The following TRMT9B variants were observed in gnomAD, a reference collection of about 807,000 sequenced individuals.
The protein encoded by TRMT9B is tRNA methyltransferase 9B (putative), also known as probable tRNA methyltransferase 9B.
Under a neutral mutation model 11.5 loss-of-function variants are expected in TRMT9B, and 16 were observed. The ratio of observed to expected loss-of-function variants is 1.39; its 90% CI spans 0.94 to 2.11. The LOEUF (loss-of-function observed/expected upper bound fraction) is 2.11, where lower values mean the gene tolerates loss of function less well. Among genes scored for constraint, TRMT9B ranks in the 30% most tolerant of loss-of-function variants. The pLI is 0.00. For missense variants in TRMT9B, 941 were observed against 553.8 expected, an observed-to-expected ratio of 1.70 and a Z score of -7.02; for synonymous variants, 274 against 192.4, an observed-to-expected ratio of 1.42 and a Z score of -3.51.
Position 13,029,069 on chromosome 8 carries a change from C to G in TRMT9B, c.*7025C>G, listed in dbSNP as rs1253494231. ...ATATAACACACATATATATATATTC[C>G]TAGACATCTAGTGTTTGCTGTCATT... On this transcript the variant is annotated 3_prime_UTR_variant, in exon 5 of 5. Coordinates refer to ENST00000524591, the MANE Select transcript of TRMT9B (RefSeq NM_020844.3). 1 of 166,432 alleles carries G rather than the reference C, an allele frequency of 6.0e-6. No homozygotes were observed. 10.3% of individuals were successfully genotyped at this position (166,432 alleles called of 1,614,324 possible).
In TRMT9B at chr8:12,967,623, C is replaced by CT. The variant is rs543483344; in HGVS notation, c.-200+21657_-200+21658insT. 3.8e-4 allele frequency among the ~76,000 whole-genome samples: 58 copies of CT among 152,286 alleles called. 2 individuals carry two copies. The East Asian group carries it at 9.3e-3, about 24-fold the overall frequency. ...TGCATCCTTTCTAATTAAAGCAGCT[C>CT]ATTAACAATGGCAAAGCCTCCTGAG... On this transcript the variant is annotated intron_variant, in intron 1 of 4. Coordinates refer to ENST00000524591, the MANE Select transcript of TRMT9B (RefSeq NM_020844.3).
At chr8:13,018,096 C>G (rs1225337220) in intron 4 of TRMT9B, among the ~76,000 whole-genome samples, 2 of 50,682 alleles carry the variant, frequency 3.9e-5, no homozygotes, top group Non-Finnish European at 7.3e-5. Context: ...TAAGGACTTT[C>G]TTAAAAAAAA....
intron 1 of TRMT9B, among the ~76,000 whole-genome samples, chr8:12,954,228 G>C (rs1369836774): frequency 2.0e-5 from 3 of 152,196 alleles, no homozygotes. Flanking sequence ...GATTGCAGGG[G>C]TTGTAAAGAA....
intron 2 of TRMT9B, among the ~76,000 whole-genome samples, chr8:13,003,802 A>C (rs1809906074): frequency 6.6e-6 from 1 of 150,782 alleles, no homozygotes; most frequent in Admixed American, 6.7e-5. Context: ...CAAGGACCAG[A>C]GTTAACACAC....
chr8:12,972,765 T>C (rs1803838615), intron 1 of TRMT9B, among the ~76,000 whole-genome samples: 1 of 152,238 alleles, frequency 6.6e-6, no homozygotes, highest in South Asian at 2.1e-4. Context: ...TGAAGCTAGT[T>C]GCTAGACTAC....
rs143206761 is a variant in TRMT9B at position 13,000,879 on chromosome 8, G to C, written c.-1-5323G>C. On this transcript the variant is annotated intron_variant, in intron 2 of 4. Transcript: ENST00000524591. ...TGAAGAATATTTCAGGGCTAGAACAGGGTATGGATTTGAGATTCAAGGTTA... is the reference window on the plus strand; with the variant it reads ...TGAAGAATATTTCAGGGCTAGAACACGGTATGGATTTGAGATTCAAGGTTA... Among the ~76,000 whole-genome samples, 4 of 152,312 alleles carry C rather than the reference G, an allele frequency of 2.6e-5. No homozygotes were observed. The East Asian group carries it at 7.7e-4, about 29-fold the overall frequency.
chr8:13,014,259 A>C (rs1360822057), intron 4 of TRMT9B, among the ~76,000 whole-genome samples: 2 of 152,194 alleles, frequency 1.3e-5, no homozygotes, highest in East Asian at 3.9e-4. Context: ...TGTAAGCATT[A>C]AGAGGATTGT....
At chr8:13,011,818 G>C in intron 3 of TRMT9B, 1 of 962,552 alleles carries the variant, frequency 1.0e-6, no homozygotes, top group Non-Finnish European at 1.2e-6. Flanking sequence ...ATGTAGCAAT[G>C]AATAGAGATT....
intron 3 of TRMT9B, chr8:13,012,443 C>T (rs1032472074): frequency 4.3e-5 from 20 of 463,970 alleles, no homozygotes; most frequent in Non-Finnish European, 6.0e-5. Flanking sequence ...GTCATGGTGG[C>T]ACGCGCCTAT....
intron 1 of TRMT9B, among the ~76,000 whole-genome samples, chr8:12,955,699 G>A (rs1801210490): frequency 6.6e-6 from 1 of 152,112 alleles, no homozygotes; most frequent in Non-Finnish European, 1.5e-5. Flanking sequence ...TCTCTGTTAG[G>A]TTGCAGATAA....
intron 1 of TRMT9B, among the ~76,000 whole-genome samples, chr8:12,965,727 G>A (rs540633022): frequency 2.6e-5 from 4 of 152,180 alleles, no homozygotes; most frequent in Middle Eastern, 3.4e-3. Context: ...GCAAGGTGGG[G>A]CAGGCTGGGG....
At chr8:12,962,234 A>T (rs898534199) in intron 1 of TRMT9B, 1 of 152,286 alleles carries the variant, frequency 6.6e-6, no homozygotes, top group South Asian at 2.1e-4. Context: ...AATGGGCTTC[A>T]TCATATGCCA....
At chr8:13,014,338 A>T (rs1265095765) in intron 4 of TRMT9B, among the ~76,000 whole-genome samples, 1 of 152,170 alleles carries the variant, frequency 6.6e-6, no homozygotes, top group Non-Finnish European at 1.5e-5. Context: ...TTTATTTCTC[A>T]CCGTTCTGGA....
intron 2 of TRMT9B, among the ~76,000 whole-genome samples, chr8:12,992,521 ACTTAGATGGTCATGAAG>A (rs1460265576): frequency 6.6e-6 from 1 of 151,656 alleles, no homozygotes; most frequent in Admixed American, 6.6e-5. Context: ...AGGACAACAA[ACTTAGATGGTCATGAAG>A]CTCAGGAGAA....
Position 13,023,844 on chromosome 8 carries a change from T to A in TRMT9B, c.*1800T>A, listed in dbSNP as rs1814320638. The stretch of plus-strand genomic sequence containing the variant: ...CTTAAAGAAATATTTTTAAAGCGTA[T>A]CTGAAAACGATTGATGTTTATAACT... On this transcript the variant is annotated 3_prime_UTR_variant, in exon 5 of 5. Transcript: ENST00000524591. The A allele has an allele frequency of 1.2e-5, 2 of 166,858 alleles. No individual in the cohort carries two copies. Among genetic ancestry groups the A allele is most frequent in the African/African-American group, 2.4e-5 (1 of 41,432 alleles). The allele number at this position is 166,858 out of a possible 1,614,324, so 10.3% of individuals were successfully genotyped here.
chr8:13,017,101 C>T lies in TRMT9B; in HGVS notation c.329-3907C>T, dbSNP rs149186516. On this transcript the variant is annotated intron_variant, in intron 4 of 4. Coordinates refer to ENST00000524591, the MANE Select transcript of TRMT9B (RefSeq NM_020844.3). ...TCACACCACTGCACTCCAGCCTGGG[C>T]GACAGAGCAAGACTGCGTCTCAAAA... is the stretch of plus-strand genomic sequence containing the variant. Among the ~76,000 whole-genome samples the T allele has an allele frequency of 4.3e-3, 626 of 146,170 alleles. 4 individuals carry two copies. The highest frequency in any genetic ancestry group is 0.015 in the African/African-American group (609 of 40,172).
At chr8:13,014,051 T>C (rs1053644153) in intron 4 of TRMT9B, among the ~76,000 whole-genome samples, 1 of 152,218 alleles carries the variant, frequency 6.6e-6, no homozygotes, top group African/African-American at 2.4e-5. Flanking sequence ...CAGAATAAGA[T>C]GATTTGCTCT....
At chr8:12,975,637 C>G (rs1804333135) in intron 1 of TRMT9B, among the ~76,000 whole-genome samples, 1 of 152,114 alleles carries the variant, frequency 6.6e-6, no homozygotes, top group African/African-American at 2.4e-5. Context: ...ACTTTGGAAG[C>G]TAAGGTCTGA....
At chr8:12,952,926 G>C (rs1800815329) in intron 1 of TRMT9B, among the ~76,000 whole-genome samples, 1 of 152,176 alleles carries the variant, frequency 6.6e-6, no homozygotes, top group Non-Finnish European at 1.5e-5. Flanking sequence ...TTTTACTAGA[G>C]ACGGGGTTTC....
Sources: gnomAD v4.1 joint callset for allele counts (sites outside exome capture counted in the v4.1 genomes callset) on GRCh38, gnomAD v4.1.1 for gene constraint, MANE v1.5 for transcripts, NCBI Gene and HGNC (gene_info 2026-07-23, HGNC 2026-07-21) for gene names.